The following BTBD9 variants were observed in gnomAD, a reference collection of about 807,000 sequenced individuals.
BTBD9 encodes the protein BTB domain containing 9.
A neutral mutation model predicts 64.3 loss-of-function variants in BTBD9; 49 were observed. That is an observed-to-expected ratio of 0.76 (90% CI 0.61 to 0.97). The LOEUF (loss-of-function observed/expected upper bound fraction) is 0.97, where lower values mean the gene tolerates loss of function less well. Among genes scored for constraint, BTBD9 ranks in the 50% least tolerant of loss-of-function variants. The pLI is 0.00. For synonymous variants in BTBD9, 260 were observed against 274.7 expected (o/e 0.95, Z 0.53); for missense variants, 598 against 762.1 (o/e 0.78, Z 2.53).
rs150638163 is a variant in BTBD9, at chr6:38,483,446, G to T, written c.1154+94154C>A. ...ATTCACTTTTCCTTGCCCACCTGCT[G>T]TCTGGTCTTCCCTATAGTCCATTCT... On this transcript the variant is annotated intron_variant, in intron 6 of 10. Coordinates refer to ENST00000481247, the MANE Select transcript of BTBD9 (RefSeq NM_001099272.2). Among the ~76,000 whole-genome samples the T allele has an allele frequency of 3.2e-3, 485 of 151,942 alleles. 2 individuals are homozygous for T. The highest frequency in any genetic ancestry group is 0.011 in the African/African-American group (465 of 41,424).
chr6:38,284,663 C>A (rs980970622), intron 8 of BTBD9, among the ~76,000 whole-genome samples: 1 of 152,076 alleles, frequency 6.6e-6, no homozygotes, highest in Non-Finnish European at 1.5e-5. Flanking sequence ...TCAGGTATGG[C>A]TGGGAGGAGG....
chr6:38,329,682 C>A (rs541185382), intron 7 of BTBD9, among the ~76,000 whole-genome samples: 1 of 152,164 alleles, frequency 6.6e-6, no homozygotes, highest in Non-Finnish European at 1.5e-5. Context: ...TGGCTGGGCA[C>A]AGTGGCTCAC....
At chr6:38,369,822 T>A (rs1205208863) in intron 6 of BTBD9, among the ~76,000 whole-genome samples, 10 of 152,194 alleles carry the variant, frequency 6.6e-5, no homozygotes, top group African/African-American at 1.4e-4. Flanking sequence ...AATTAGCAAT[T>A]AGGATTCTAG....
intron 6 of BTBD9, among the ~76,000 whole-genome samples, chr6:38,373,659 G>C (rs1765516611): frequency 6.6e-6 from 1 of 152,112 alleles, no homozygotes; most frequent in Non-Finnish European, 1.5e-5. Flanking sequence ...AGCTTCCAGA[G>C]GAGCTGGCAC....
intron 6 of BTBD9, among the ~76,000 whole-genome samples, chr6:38,483,726 C>A (rs1771268652): frequency 6.6e-6 from 1 of 152,190 alleles, no homozygotes; most frequent in African/African-American, 2.4e-5. Context: ...GTTTCTACTT[C>A]ACAGCCTTTA....
chr6:38,432,243 G>A (rs930818069), intron 6 of BTBD9, among the ~76,000 whole-genome samples: 5 of 151,968 alleles, frequency 3.3e-5, no homozygotes, highest in African/African-American at 1.2e-4. Flanking sequence ...AGCCTCCAGC[G>A]CTGTGAGCCA....
At chr6:38,610,305 ACT>A (rs1395904265) in intron 1 of BTBD9, among the ~76,000 whole-genome samples, 2 of 152,118 alleles carry the variant, frequency 1.3e-5, no homozygotes, top group African/African-American at 4.8e-5. Context: ...TTCATAAAAT[ACT>A]CTCTTTGCTG....
intron 4 of BTBD9, among the ~76,000 whole-genome samples, chr6:38,586,538 G>A (rs1177985219): frequency 6.6e-6 from 1 of 151,912 alleles, no homozygotes; most frequent in African/African-American, 2.4e-5. Context: ...CTATATCCCA[G>A]TCCCAAGATA....
intron 4 of BTBD9, among the ~76,000 whole-genome samples, chr6:38,582,216 A>C (rs1776321175): frequency 6.6e-6 from 1 of 152,232 alleles, no homozygotes; most frequent in Non-Finnish European, 1.5e-5. Context: ...TTAACTTCTT[A>C]CCATCAGAAG....
intron 6 of BTBD9, among the ~76,000 whole-genome samples, chr6:38,501,819 C>G (rs1030249897): frequency 6.6e-6 from 1 of 151,954 alleles, no homozygotes; most frequent in Admixed American, 6.5e-5. Flanking sequence ...ATTTGCAAGG[C>G]TACTCTCTCC....
intron 9 of BTBD9, among the ~76,000 whole-genome samples, chr6:38,208,994 A>T (rs1490498965): frequency 6.6e-6 from 1 of 152,204 alleles, no homozygotes; most frequent in African/African-American, 2.4e-5. Flanking sequence ...CCTCACAGAC[A>T]TACCTTGCTG....
chr6:38,201,542 A>G (rs1449656321), intron 9 of BTBD9, among the ~76,000 whole-genome samples: 1 of 152,258 alleles, frequency 6.6e-6, no homozygotes, highest in Non-Finnish European at 1.5e-5. Context: ...CAAGACATGG[A>G]TGCCCACTCT....
At chr6:38,625,262 C>T (rs1778128687) in intron 1 of BTBD9, among the ~76,000 whole-genome samples, 1 of 152,072 alleles carries the variant, frequency 6.6e-6, no homozygotes, top group Non-Finnish European at 1.5e-5. Context: ...GTTTTGTTGC[C>T]TTAGTCAAGA....
chr6:38,311,729 C>A (rs146416433), intron 7 of BTBD9, among the ~76,000 whole-genome samples: 1 of 152,306 alleles, frequency 6.6e-6, no homozygotes, highest in Non-Finnish European at 1.5e-5. Context: ...TTCCCCACAT[C>A]TTTGTCAACA....
At chr6:38,286,301 T>G (rs777183232) in intron 8 of BTBD9, among the ~76,000 whole-genome samples, 22 of 152,214 alleles carry the variant, frequency 1.4e-4, no homozygotes, top group Non-Finnish European at 2.2e-4. Flanking sequence ...AGCATCAACT[T>G]CTATGGTTAT....
At chr6:38,515,970 A>G (rs1773005728) in intron 6 of BTBD9, among the ~76,000 whole-genome samples, 1 of 152,244 alleles carries the variant, frequency 6.6e-6, no homozygotes. Flanking sequence ...CTGTACAGAG[A>G]CTGATGATCT....
Position 38,594,255 on chromosome 6 carries a change from T to G in BTBD9, c.258A>C (p.Glu86Asp). 6.2e-7 allele frequency: 1 copy of G among 1,614,006 alleles called. No individual in the cohort carries two copies. The highest frequency in any genetic ancestry group is 8.5e-7 in the Non-Finnish European group (1 of 1,179,954). Residue 86 changes from glutamate to aspartate, a missense_variant, in exon 3 of 11, where the codon GAA (glutamate) becomes GAC (aspartate). By Grantham distance (45) the Glu-to-Asp change is conservative. Transcript: ENST00000481247. ...TATATTTGAGTAGCATTGTGAATGCTTCTGCAGTGGTGTCTTGGAGAGGAA... is the reference window on the plus strand; with the variant it reads ...TATATTTGAGTAGCATTGTGAATGCGTCTGCAGTGGTGTCTTGGAGAGGAA... ...AEIPLQDTTA[E>D]AFTMLLKYIY...
chr6:38,302,524 T>TATATATATATAA (rs1762452603), intron 7 of BTBD9, among the ~76,000 whole-genome samples: 2 of 137,698 alleles, frequency 1.5e-5, no homozygotes, highest in Non-Finnish European at 3.1e-5. Flanking sequence ...TATATATATA[T>TATATATATATAA]CACATTCTCT....
intron 9 of BTBD9, among the ~76,000 whole-genome samples, chr6:38,239,495 C>T (rs575925025): frequency 3.0e-4 from 45 of 148,582 alleles, no homozygotes; most frequent in African/African-American, 9.7e-4. Flanking sequence ...AAAACAATAA[C>T]CTGAGACATG....
Sources: allele counts gnomAD v4.1 joint callset (sites outside exome capture counted in the v4.1 genomes callset), GRCh38; gene constraint gnomAD v4.1.1; transcripts MANE v1.5; gene names NCBI Gene and HGNC (gene_info 2026-07-23, HGNC 2026-07-21).